TMEM163: variants seen among roughly 807,000 people sequenced by gnomAD.
TMEM163 encodes the protein transmembrane protein 163.
In TMEM163, 17 loss-of-function variants were observed where a neutral mutation model predicts 29.3. That is an observed-to-expected ratio of 0.58 (90% CI 0.40 to 0.87). The LOEUF (loss-of-function observed/expected upper bound fraction) is 0.87. TMEM163 is among the 40% of genes least tolerant of loss of function. TMEM163 has a pLI of 0.00. For missense variants in TMEM163, 303 were observed against 381.5 expected, an observed-to-expected ratio of 0.79 and a Z score of 1.71; for synonymous variants, 157 against 160.6, an observed-to-expected ratio of 0.98 and a Z score of 0.17.
At chr2:134,478,508 T>TA (rs1351870875) in intron 5 of TMEM163, among the ~76,000 whole-genome samples, 1 of 152,204 alleles carries the variant, frequency 6.6e-6, no homozygotes, top group Non-Finnish European at 1.5e-5. Flanking sequence ...GCAGAGAACT[T>TA]AGCTGCTTTG....
intron 2 of TMEM163, among the ~76,000 whole-genome samples, chr2:134,614,585 G>T (rs898517496): frequency 6.6e-6 from 1 of 152,202 alleles, no homozygotes; most frequent in Admixed American, 6.5e-5. Context: ...GGGACACAGT[G>T]GCTCACGCCC....
chr2:134,586,720 T>C (rs1481946863), intron 2 of TMEM163, among the ~76,000 whole-genome samples: 1 of 152,170 alleles, frequency 6.6e-6, no homozygotes, highest in Admixed American at 6.5e-5. Flanking sequence ...TGCAGTGGGA[T>C]TGGTGCAACA....
chr2:134,534,157 C>T (rs1355225288), intron 4 of TMEM163, among the ~76,000 whole-genome samples: 2 of 152,222 alleles, frequency 1.3e-5, no homozygotes, highest in East Asian at 3.9e-4. Context: ...ATATTTTACT[C>T]ATTAAATGAG....
chr2:134,621,218 C>A (rs1041929636), intron 2 of TMEM163, among the ~76,000 whole-genome samples: 4 of 152,066 alleles, frequency 2.6e-5, no homozygotes, highest in Admixed American at 2.0e-4. Context: ...CTAATAAGCA[C>A]ATGAAGAGAT....
At chr2:134,668,529 G>A (rs1169933517) in intron 2 of TMEM163, among the ~76,000 whole-genome samples, 2 of 147,948 alleles carry the variant, frequency 1.4e-5, no homozygotes, top group African/African-American at 2.5e-5. Flanking sequence ...CACAGAGATT[G>A]TAAAAAAATG....
At chr2:134,593,855 C>T (rs1289408584) in intron 2 of TMEM163, among the ~76,000 whole-genome samples, 3 of 151,254 alleles carry the variant, frequency 2.0e-5, no homozygotes, top group Non-Finnish European at 4.4e-5. Context: ...AGTAAGATGC[C>T]GGCTGCCTTG....
intron 2 of TMEM163, among the ~76,000 whole-genome samples, chr2:134,613,184 C>T (rs1442842001): frequency 2.6e-5 from 4 of 152,144 alleles, no homozygotes; most frequent in East Asian, 3.9e-4. Flanking sequence ...AATCAGCAAA[C>T]TTGAAGACTG....
chr2:134,576,211 TG>T (rs1321157175), intron 2 of TMEM163, among the ~76,000 whole-genome samples: 1 of 152,154 alleles, frequency 6.6e-6, no homozygotes, highest in Non-Finnish European at 1.5e-5. Flanking sequence ...TGAAAAGTCC[TG>T]GAGATCTTAG....
intron 2 of TMEM163, among the ~76,000 whole-genome samples, chr2:134,627,755 T>C (rs1252451155): frequency 6.6e-6 from 1 of 152,194 alleles, no homozygotes; most frequent in Non-Finnish European, 1.5e-5. Context: ...TCCTATGAAA[T>C]GTATTTTAGT....
At chr2:134,492,897 A>G (rs1235737345) in intron 5 of TMEM163, among the ~76,000 whole-genome samples, 1 of 152,164 alleles carries the variant, frequency 6.6e-6, no homozygotes, top group Admixed American at 6.5e-5. Context: ...CAGTAAATAG[A>G]TATTTGACTT....
chr2:134,469,512 G>T (rs548485685), intron 5 of TMEM163: 1 of 152,256 alleles, frequency 6.6e-6, no homozygotes, highest in Non-Finnish European at 1.5e-5. Context: ...CTGGAACTAC[G>T]TTGCCCAGAA....
At chr2:134,652,582 G>T (rs1683505746) in intron 2 of TMEM163, among the ~76,000 whole-genome samples, 1 of 113,978 alleles carries the variant, frequency 8.8e-6, no homozygotes, top group Non-Finnish European at 1.7e-5. Context: ...CCAACACTAT[G>T]TTGAATAGGA....
chr2:134,715,008 C>T (rs192755979), intron 1 of TMEM163, among the ~76,000 whole-genome samples: 15 of 151,636 alleles, frequency 9.9e-5, no homozygotes, highest in African/African-American at 2.9e-4. Context: ...AAAAATATTC[C>T]TTCCATCATG....
chr2:134,659,209 T>C (rs1311147464), intron 2 of TMEM163, among the ~76,000 whole-genome samples: 2 of 152,236 alleles, frequency 1.3e-5, no homozygotes, highest in African/African-American at 4.8e-5. Flanking sequence ...TGTGTTGCAA[T>C]TCGACCTTAC....
At chr2:134,565,960 G>A (rs1681291806) in intron 2 of TMEM163, among the ~76,000 whole-genome samples, 2 of 152,168 alleles carry the variant, frequency 1.3e-5, no homozygotes, top group Admixed American at 6.5e-5. Context: ...TGTCAAAGAC[G>A]GGGCATGAAC....
chr2:134,555,442 C>T (rs1387604912), intron 2 of TMEM163, among the ~76,000 whole-genome samples: 3 of 152,302 alleles, frequency 2.0e-5, no homozygotes, highest in South Asian at 4.1e-4. Context: ...AAAGCCACCA[C>T]AGGGCCAACA....
chr2:134,607,026 TG>T (rs1682389010), intron 2 of TMEM163, among the ~76,000 whole-genome samples: 1 of 135,440 alleles, frequency 7.4e-6, no homozygotes. Flanking sequence ...CCCCGAGAAC[TG>T]TGCTGGTGAA....
At chr2:134,669,145 C>T (rs541937817) in intron 2 of TMEM163, among the ~76,000 whole-genome samples, 1 of 152,350 alleles carries the variant, frequency 6.6e-6, no homozygotes, top group South Asian at 2.1e-4. Flanking sequence ...CCTTTGATCA[C>T]GACCAGGATA....
At chr2:134,650,182 T>G (rs1017535700) in intron 2 of TMEM163, among the ~76,000 whole-genome samples, 4 of 152,032 alleles carry the variant, frequency 2.6e-5, no homozygotes, top group Non-Finnish European at 5.9e-5. Context: ...TGTATATGTA[T>G]GTGTATAAAA....
Sources: gnomAD v4.1 joint callset for allele counts (sites outside exome capture counted in the v4.1 genomes callset) on GRCh38, gnomAD v4.1.1 for gene constraint, MANE v1.5 for transcripts, NCBI Gene and HGNC (gene_info 2026-07-23, HGNC 2026-07-21) for gene names.